PCDHA5: variants seen among roughly 807,000 people sequenced by gnomAD.
PCDHA5 encodes protocadherin alpha 5.
A neutral mutation model predicts 61.6 loss-of-function variants in PCDHA5; 43 were observed. The observed-to-expected ratio is 0.70, with a 90% CI of 0.55 to 0.90. PCDHA5 has a LOEUF of 0.90. PCDHA5 is among the 40% of genes least tolerant of loss of function. The probability of loss-of-function intolerance (pLI) is 0.00; values close to 1 mark genes in which losing one functional copy is unlikely to be tolerated. For synonymous variants in PCDHA5, 627 were observed against 543.9 expected (o/e 1.15, Z -2.13); for missense variants, 1,298 against 1,222.7 (o/e 1.06, Z -0.92).
intron 1 of PCDHA5, among the ~76,000 whole-genome samples, chr5:140,934,224 AT>A: frequency 6.6e-6 from 1 of 152,246 alleles, no homozygotes. Context: ...TGTTTAAAAG[AT>A]TTGTACTTAA....
At chr5:140,887,532 C>T (rs1161154809) in intron 1 of PCDHA5, among the ~76,000 whole-genome samples, 1 of 152,152 alleles carries the variant, frequency 6.6e-6, no homozygotes, top group African/African-American at 2.4e-5. Flanking sequence ...GAGTCTTCCT[C>T]TCCCCACCCC....
chr5:140,834,172 G>C (rs114972611), intron 1 of PCDHA5: 25 of 551,148 alleles, frequency 4.5e-5, no homozygotes, highest in Non-Finnish European at 5.7e-5. Flanking sequence ...TTACTTACAT[G>C]ATGGCCACAT....
At chr5:140,849,956 C>A in intron 1 of PCDHA5, 1 of 1,597,918 alleles carries the variant, frequency 6.3e-7, no homozygotes, top group African/African-American at 1.3e-5. Flanking sequence ...CGCAGGAGAA[C>A]GCCCTGGTGT....
At chr5:140,881,638 A>G (rs1237929257) in intron 1 of PCDHA5, among the ~76,000 whole-genome samples, 1 of 152,214 alleles carries the variant, frequency 6.6e-6, no homozygotes, top group Non-Finnish European at 1.5e-5. Context: ...TCAGTTACCA[A>G]TATTTTTCAC....
chr5:140,982,483 A>G lies in PCDHA5; in HGVS notation c.2420A>G (p.His807Arg). Residue 807 changes from histidine (H) to arginine (R), a missense_variant, in exon 3 of 4, where the codon CAC (histidine) becomes CGC (arginine). His to Arg is a conservative substitution (Grantham distance 29, BLOSUM62 0). Transcript: ENST00000529859. ...SLRAGMHSSV[H>R]LEEAGILRAG... ...TCTGTGTGTTTATTCAGCTCTGTGC[A>G]CCTAGAGGAGGCTGGCATTCTACGG... The G allele has an allele frequency of 1.2e-6, 2 of 1,614,142 alleles. No homozygotes were observed. Among genetic ancestry groups the G allele is most frequent in the Non-Finnish European group, 1.7e-6 (2 of 1,180,016 alleles).
In PCDHA5 at chr5:141,011,214, T is replaced by C. The variant is rs2098419822; in HGVS notation, c.*1277T>C. On this transcript the variant is annotated 3_prime_UTR_variant, in exon 4 of 4. Transcript: ENST00000529859. ...ATTGTTTTCTCATACAGTGAGCAGA[T>C]TTTTCAATCTACTAATTCTGTGACT... 1 of 153,748 alleles carries C rather than the reference T, an allele frequency of 6.5e-6. No individual in the cohort carries two copies. Among genetic ancestry groups the C allele is most frequent in the African/African-American group, 2.4e-5 (1 of 41,448 alleles). The allele number at this position is 153,748 out of a possible 1,614,324, so 9.5% of individuals were successfully genotyped here. A position where few individuals can be genotyped will look rare whatever the true frequency, so the allele number is the denominator to read the frequency against.
Position 140,979,023 on chromosome 5 carries a change from C to G in PCDHA5, c.2411+16C>G, listed in dbSNP as rs2096831948. On this transcript the variant is annotated intron_variant, in intron 2 of 3. Transcript: ENST00000529859. ...GCATGCACAGGTATGTATTTCCCTC[C>G]TCATTCACTCAGAAGTAACCTTAAC... The G allele has an allele frequency of 6.2e-7, 1 of 1,613,422 alleles. No homozygotes were observed.
rs571694728 is a variant in PCDHA5, at chr5:140,949,343, CTG to C, written c.2353-29602_2353-29601del. Among the ~76,000 whole-genome samples the C allele has an allele frequency of 8.0e-4, 121 of 151,818 alleles. 1 individual carries two copies. Among genetic ancestry groups the C allele is most frequent in the Admixed American group, 3.5e-3 (54 of 15,258 alleles). On this transcript the variant is annotated intron_variant, in intron 1 of 3. Transcript: ENST00000529859. ...TATAAATTATTGTTATCCAGATTTT[CTG>C]TGTCTTTATTTTTTTGTCTAGTTGT...
intron 1 of PCDHA5, chr5:140,871,406 T>A: frequency 6.2e-7 from 1 of 1,614,032 alleles, no homozygotes; most frequent in African/African-American, 1.3e-5. Context: ...AAGACGGACC[T>A]CATGGCCTTC....
intron 1 of PCDHA5, chr5:140,848,792 C>CAG (rs2150420729): frequency 1.3e-6 from 2 of 1,592,840 alleles, no homozygotes; most frequent in Non-Finnish European, 8.6e-7. Context: ...GCGGGCGGAG[C>CAG]GCGGAGTGCA....
rs2150363462 is a variant in PCDHA5 at position 140,843,611 on chromosome 5, C to A, written c.2352+19484C>A. 3 of 1,595,894 alleles carry A rather than the reference C, an allele frequency of 1.9e-6. No individual in the cohort carries two copies. In the South Asian group the frequency reaches 3.3e-5, roughly 18 times the overall value. ...GCAGAGGGTGTGCTCTGGTGAGGGG[C>A]CACCGAAGACGGACCTCATGGCCTT... On this transcript the variant is annotated intron_variant, in intron 1 of 3. Coordinates refer to ENST00000529859, the MANE Select transcript of PCDHA5 (RefSeq NM_018908.3).
At chr5:140,997,668 T>TTA (rs2097778675) in intron 3 of PCDHA5, among the ~76,000 whole-genome samples, 1 of 148,244 alleles carries the variant, frequency 6.7e-6, no homozygotes, top group African/African-American at 2.5e-5. Flanking sequence ...ATTATACAGC[T>TTA]TGTGTGTGTG....
chr5:140,997,018 A>AT (rs1162959481), intron 3 of PCDHA5, among the ~76,000 whole-genome samples: 3 of 151,882 alleles, frequency 2.0e-5, no homozygotes, highest in Admixed American at 1.3e-4. Flanking sequence ...ATCCTCCAAT[A>AT]TTTTTTTGAA....
intron 1 of PCDHA5, among the ~76,000 whole-genome samples, chr5:140,896,652 C>T (rs1393897195): frequency 2.6e-5 from 4 of 152,018 alleles, no homozygotes; most frequent in African/African-American, 9.7e-5. Flanking sequence ...GCTAGTATTA[C>T]AGGCATGAGT....
chr5:140,840,466 GA>G (rs1437406767), intron 1 of PCDHA5, among the ~76,000 whole-genome samples: 3 of 151,870 alleles, frequency 2.0e-5, no homozygotes, highest in Non-Finnish European at 2.9e-5. Context: ...AAAAGTTGGG[GA>G]AAAAAGTTTA....
At chr5:140,984,247 C>G (rs1394918677) in intron 3 of PCDHA5, among the ~76,000 whole-genome samples, 2 of 152,138 alleles carry the variant, frequency 1.3e-5, no homozygotes, top group Non-Finnish European at 2.9e-5. Flanking sequence ...GTAGGTCGAC[C>G]TGGTAAGCCA....
intron 3 of PCDHA5, among the ~76,000 whole-genome samples, chr5:141,001,895 G>T (rs1390745542): frequency 3.9e-5 from 6 of 152,208 alleles, no homozygotes; most frequent in Non-Finnish European, 8.8e-5. Context: ...AGAAATCGGG[G>T]CTGTTTGAAA....
Position 140,975,977 on chromosome 5 carries a change from TA to T in PCDHA5, c.2353-2971del, listed in dbSNP as rs781900191. ...GTTCTTCACCAATAGAAAGTAAGCATAGTCCTGGGAGGTACCATCTAAGTAT... is the reference window on the plus strand; with the variant it reads ...GTTCTTCACCAATAGAAAGTAAGCATGTCCTGGGAGGTACCATCTAAGTAT... On this transcript the variant is annotated intron_variant, in intron 1 of 3. Coordinates refer to ENST00000529859, the MANE Select transcript of PCDHA5 (RefSeq NM_018908.3). Among the ~76,000 whole-genome samples, 17 of 152,284 alleles carry T rather than the reference TA, an allele frequency of 1.1e-4. 1 individual carries two copies. The highest frequency in any genetic ancestry group is 1.8e-4 in the Non-Finnish European group (12 of 68,014).
rs2150353812 is a variant in PCDHA5, at chr5:140,843,145, G to T, written c.2352+19018G>T. ...ACTCGGGCTACAACGCGTGGCTTTCGTATGAGCTGCAGCCAGCTGCAAGCA... is the reference window on the plus strand; with the variant it reads ...ACTCGGGCTACAACGCGTGGCTTTCTTATGAGCTGCAGCCAGCTGCAAGCA... On this transcript the variant is annotated intron_variant, in intron 1 of 3. Coordinates refer to ENST00000529859, the MANE Select transcript of PCDHA5 (RefSeq NM_018908.3). 3.8e-6 allele frequency: 6 copies of T among 1,596,072 alleles called. 1 individual carries two copies. Among genetic ancestry groups the T allele is most frequent in the Middle Eastern group, 3.4e-4 (2 of 5,956 alleles).
Sources: allele counts gnomAD v4.1 joint callset (sites outside exome capture counted in the v4.1 genomes callset), GRCh38; gene constraint gnomAD v4.1.1; transcripts MANE v1.5; gene names NCBI Gene and HGNC (gene_info 2026-07-23, HGNC 2026-07-21).